DLG2: variants seen among roughly 807,000 people sequenced by gnomAD.
DLG2 encodes the protein discs large MAGUK scaffold protein 2, also known as disks large homolog 2.
A neutral mutation model predicts 132.5 loss-of-function variants in DLG2; 45 were observed. That is an observed-to-expected ratio of 0.34 (90% CI 0.27 to 0.44). The LOEUF (loss-of-function observed/expected upper bound fraction) is 0.44, where lower values mean the gene tolerates loss of function less well. Among genes scored for constraint, DLG2 ranks in the 20% least tolerant of loss-of-function variants. The probability of loss-of-function intolerance (pLI) is 1.00; values close to 1 mark genes in which losing one functional copy is unlikely to be tolerated. For missense variants in DLG2, 1,045 were observed against 1,196.9 expected (o/e 0.87, Z 1.87); for synonymous variants, 424 against 419.6 (o/e 1.01, Z -0.13).
At chr11:85,061,494 A>G (rs1019224531) in intron 6 of DLG2, among the ~76,000 whole-genome samples, 1 of 151,838 alleles carries the variant, frequency 6.6e-6, no homozygotes, top group Non-Finnish European at 1.5e-5. Flanking sequence ...CATATCCCTC[A>G]GGAGGCAAGT....
At chr11:84,449,764 G>T (rs2099046059) in intron 7 of DLG2, among the ~76,000 whole-genome samples, 1 of 151,218 alleles carries the variant, frequency 6.6e-6, no homozygotes, top group Non-Finnish European at 1.5e-5. Context: ...ATTTTAAAAG[G>T]GAACTTATTG....
At chr11:85,115,677 G>A (rs561398782) in intron 5 of DLG2, among the ~76,000 whole-genome samples, 1 of 152,036 alleles carries the variant, frequency 6.6e-6, no homozygotes, top group African/African-American at 2.4e-5. Context: ...AGACACTTCA[G>A]GTTTCCAACA....
intron 3 of DLG2, among the ~76,000 whole-genome samples, chr11:85,285,802 T>A (rs1419100080): frequency 6.6e-6 from 1 of 151,884 alleles, no homozygotes; most frequent in Non-Finnish European, 1.5e-5. Context: ...AAAAAATCAA[T>A]GTTTGCCAGA....
intron 3 of DLG2, among the ~76,000 whole-genome samples, chr11:85,567,404 TTC>T (rs2077589269): frequency 6.6e-6 from 1 of 152,186 alleles, no homozygotes; most frequent in Non-Finnish European, 1.5e-5. Context: ...AAATACTGTA[TTC>T]TTTTTGATGC....
At chr11:85,525,101 AT>A (rs1176034416) in intron 3 of DLG2, 1 of 152,220 alleles carries the variant, frequency 6.6e-6, no homozygotes, top group African/African-American at 2.4e-5. Flanking sequence ...CTTAACATCC[AT>A]TTACACTATA....
At chr11:85,008,987 A>C (rs2058927342) in intron 6 of DLG2, among the ~76,000 whole-genome samples, 1 of 152,062 alleles carries the variant, frequency 6.6e-6, no homozygotes, top group Non-Finnish European at 1.5e-5. Flanking sequence ...ATGAAAATAT[A>C]GGGGTAGAGC....
intron 7 of DLG2, among the ~76,000 whole-genome samples, chr11:84,507,324 C>T: frequency 6.6e-6 from 1 of 152,026 alleles, no homozygotes. Context: ...AATGTGTGAC[C>T]AAAGTGCCAG....
intron 4 of DLG2, among the ~76,000 whole-genome samples, chr11:85,187,369 T>C (rs1460532407): frequency 6.6e-6 from 1 of 152,132 alleles, no homozygotes; most frequent in Non-Finnish European, 1.5e-5. Context: ...ATGGCTGTCA[T>C]GACCTAACGG....
rs575999777 is a variant in DLG2 at position 84,363,402 on chromosome 11, G to A, written c.520-112111C>T. On this transcript the variant is annotated intron_variant, in intron 7 of 27. Transcript: ENST00000376104. ...TTTGTTTGAGTTCATTGTAGATTCT[G>A]GATATTAGCCCTTTGTCAGATGAGT... is the stretch of plus-strand genomic sequence containing the variant. Among the ~76,000 whole-genome samples, 3 of 152,104 alleles carry A rather than the reference G, an allele frequency of 2.0e-5. No individual in the cohort carries two copies. The East Asian group carries it at 5.8e-4, about 30-fold the overall frequency.
chr11:84,273,275 C>CA, intron 7 of DLG2: 1 of 773,452 alleles, frequency 1.3e-6, no homozygotes, highest in Non-Finnish European at 1.8e-6. Context: ...TGGTAACACT[C>CA]AAACTGAGCT....
At chr11:85,141,055 C>T (rs553054299) in intron 5 of DLG2, among the ~76,000 whole-genome samples, 30 of 151,792 alleles carry the variant, frequency 2.0e-4, no homozygotes, top group Middle Eastern at 6.8e-3. Context: ...CTTCAATATG[C>T]TGATTTCTTT....
chr11:84,714,623 T>TTCTCTCTCTCTCTCTCTCTCTTTCTC, intron 6 of DLG2, among the ~76,000 whole-genome samples: 2 of 104,994 alleles, frequency 1.9e-5, no homozygotes, highest in Non-Finnish European at 3.9e-5. Context: ...CTCTTTCTCT[T>TTCTCTCTCTCTCTCTCTCTCTTTCTC]TCTCTCTCTC....
rs1194643683 is a variant in DLG2, at chr11:85,548,482, GGA to G, written c.40+50173_40+50174del. Among the ~76,000 whole-genome samples the G allele has an allele frequency of 9.8e-5, 15 of 152,342 alleles. 1 individual carries two copies. Among genetic ancestry groups the G allele is most frequent in the African/African-American group, 3.4e-4 (14 of 41,586 alleles). On this transcript the variant is annotated intron_variant, in intron 3 of 27. Transcript: ENST00000376104. ...ACACGGGGGTCAGGGACCCACTTGA[GGA>G]GGCAGTCTGTCCCTTATCAGAGCTT...
chr11:83,613,411 A>G (rs2060386112), intron 19 of DLG2, among the ~76,000 whole-genome samples: 2 of 151,580 alleles, frequency 1.3e-5, no homozygotes, highest in African/African-American at 4.9e-5. Flanking sequence ...GAAAATTAAG[A>G]ATTTCTAATC....
chr11:84,827,676 C>CAAAAAAAAAAAAAAAAAAAAAAAAAAA (rs398016953), intron 6 of DLG2, among the ~76,000 whole-genome samples: 1 of 35,102 alleles, frequency 2.8e-5, no homozygotes, highest in Non-Finnish European at 4.6e-5. Context: ...TACATACAGT[C>CAAAAAAAAAAAAAAAAAAAAAAAAAAA]AAAAAAAAAA....
intron 6 of DLG2, among the ~76,000 whole-genome samples, chr11:84,802,764 A>G (rs1428504376): frequency 1.3e-5 from 2 of 152,028 alleles, no homozygotes; most frequent in Non-Finnish European, 2.9e-5. Flanking sequence ...AGAAAAAAGC[A>G]ATTTACGCTC....
At chr11:85,232,155 A>G (rs1033341570) in intron 4 of DLG2, among the ~76,000 whole-genome samples, 2 of 151,896 alleles carry the variant, frequency 1.3e-5, no homozygotes, top group Non-Finnish European at 2.9e-5. Flanking sequence ...TGTCTTATAT[A>G]CTTTACTTGT....
intron 3 of DLG2, among the ~76,000 whole-genome samples, chr11:85,437,068 T>C (rs777676656): frequency 1.6e-4 from 25 of 152,104 alleles, no homozygotes; most frequent in Non-Finnish European, 2.9e-4. Context: ...CCAAACACAG[T>C]GTGTTCTCAC....
intron 3 of DLG2, among the ~76,000 whole-genome samples, chr11:85,572,289 G>T (rs1168222516): frequency 7.2e-5 from 11 of 152,004 alleles, no homozygotes; most frequent in African/African-American, 2.7e-4. Flanking sequence ...TTCATCACAT[G>T]GAAAATTATA....
Sources: gnomAD v4.1 joint callset for allele counts (sites outside exome capture counted in the v4.1 genomes callset) on GRCh38, gnomAD v4.1.1 for gene constraint, MANE v1.5 for transcripts, NCBI Gene and HGNC (gene_info 2026-07-23, HGNC 2026-07-21) for gene names.